ASTN2: variants seen among roughly 807,000 people sequenced by gnomAD.
ASTN2 encodes astrotactin-2.
A neutral mutation model predicts 139.8 loss-of-function variants in ASTN2; 54 were observed. The observed-to-expected ratio is 0.39, with a 90% CI of 0.31 to 0.48. The LOEUF (loss-of-function observed/expected upper bound fraction) is 0.48, where lower values mean the gene tolerates loss of function less well. Ranked by LOEUF, ASTN2 falls within the 20% of genes least tolerant of loss-of-function variation. ASTN2 has a pLI of 0.95. For missense variants in ASTN2, 1,565 were observed against 1,725.1 expected (o/e 0.91, Z 1.64); for synonymous variants, 756 against 719.5 (o/e 1.05, Z -0.81).
chr9:117,278,875 G>A (rs1324044513), intron 2 of ASTN2, among the ~76,000 whole-genome samples: 1 of 152,104 alleles, frequency 6.6e-6, no homozygotes, highest in Non-Finnish European at 1.5e-5. Flanking sequence ...CCTTCTGCTG[G>A]GTGCAGTTTA....
At chr9:116,979,641 G>C (rs1836452194) in intron 7 of ASTN2, among the ~76,000 whole-genome samples, 2 of 152,086 alleles carry the variant, frequency 1.3e-5, no homozygotes, top group Non-Finnish European at 2.9e-5. Flanking sequence ...AGACTCCCAG[G>C]ACTGATTTAT....
chr9:116,725,760 TC>T lies in ASTN2; in HGVS notation c.2806+10del. 6.2e-7 allele frequency: 1 copy of T among 1,611,206 alleles called. No homozygotes were observed. The highest frequency in any genetic ancestry group is 1.1e-5 in the South Asian group (1 of 90,702). On this transcript the variant is annotated intron_variant, in intron 16 of 22. Coordinates refer to ENST00000313400, the MANE Select transcript of ASTN2 (RefSeq NM_001365068.1). ...CCTGGCCACCTCCTACAGTAGGCAC[TC>T]CGGGCTTACCTTTCTGATACTGGAG...
At chr9:116,546,405 G>T (rs1270198536) in intron 19 of ASTN2, 2 of 152,160 alleles carry the variant, frequency 1.3e-5, no homozygotes, top group Non-Finnish European at 1.5e-5. Context: ...AGAGATGTAA[G>T]CTGACTTGCC....
chr9:117,157,641 A>G (rs1041239139), intron 3 of ASTN2, among the ~76,000 whole-genome samples: 2 of 152,058 alleles, frequency 1.3e-5, no homozygotes, highest in Non-Finnish European at 2.9e-5. Flanking sequence ...ATCAAAGAAG[A>G]ATGAAAGGTT....
intron 17 of ASTN2, among the ~76,000 whole-genome samples, chr9:116,632,215 A>G (rs1459940813): frequency 6.5e-4 from 83 of 127,392 alleles, no homozygotes; most frequent in African/African-American, 1.6e-3. Context: ...AAAAGAAAGA[A>G]AGAAAGAAAG....
intron 2 of ASTN2, among the ~76,000 whole-genome samples, chr9:117,228,445 G>A (rs1298300406): frequency 6.6e-6 from 1 of 152,080 alleles, no homozygotes; most frequent in African/African-American, 2.4e-5. Context: ...GCTGCCAATT[G>A]TCTTGACGGC....
chr9:116,901,414 C>G (rs1834007849), intron 10 of ASTN2, among the ~76,000 whole-genome samples: 1 of 152,174 alleles, frequency 6.6e-6, no homozygotes, highest in Non-Finnish European at 1.5e-5. Flanking sequence ...GGTACTCAGG[C>G]AGCTGAGGTA....
At position 116,565,375 on chromosome 9, in the gene ASTN2, CTCTCTCTCTCTCCATATATA is replaced by C. The variant is rs1352594014; in HGVS notation, c.3355+52929_3355+52948del. On this transcript the variant is annotated intron_variant, in intron 19 of 22. Coordinates refer to ENST00000313400, the MANE Select transcript of ASTN2 (RefSeq NM_001365068.1). Reference sequence around the variant, plus strand: ...TTTCTCTCTCTCTCTCTCTCTCTCTCTCTCTCTCTCTCCATATATATATATATATATATATATATATATAT... The same window carrying C: ...TTTCTCTCTCTCTCTCTCTCTCTCTCTATATATATATATATATATATATAT... 5.6e-4 allele frequency among the ~76,000 whole-genome samples: 17 copies of C among 30,608 alleles called. No homozygotes were observed. The South Asian group carries it at 8.5e-3, about 15-fold the overall frequency. The allele number at this position is 30,608 out of a possible 152,430, so 20.1% of individuals were successfully genotyped here. A position where few individuals can be genotyped will look rare whatever the true frequency, so the allele number is the denominator to read the frequency against.
In ASTN2 at chr9:116,975,229, G is replaced by T; in HGVS notation, c.1868C>A (p.Thr623Lys). The change falls in exon 10 of 23, where the codon ACG becomes AAG. Residue 623 changes from threonine to lysine, a missense_variant. Physicochemically the swap from Thr to Lys is moderately conservative, Grantham distance 78. This residue lies in a region of ASTN2 where 503 missense variants were observed against 591.7 expected (regional missense o/e 0.85). Coordinates refer to ENST00000313400, the MANE Select transcript of ASTN2 (RefSeq NM_001365068.1). ...CTACCTGACATCTGCAGGGTCTTCC[G>T]TGACGAGCACATCGGTCTTGCAGCT... The part of the protein sequence containing the change: ...LASCKTDVLV[T>K]EDPADVREEA... 1 of 1,612,552 alleles carries T rather than the reference G, an allele frequency of 6.2e-7. No homozygotes were observed. Among genetic ancestry groups the T allele is most frequent in the Non-Finnish European group, 8.5e-7 (1 of 1,179,230 alleles).
rs16933586 is a variant in ASTN2 at position 116,487,082 on chromosome 9, C to T, written c.3497+277G>A. Among the ~76,000 whole-genome samples the T allele has an allele frequency of 0.016, 2,361 of 152,226 alleles. 275 individuals are homozygous for T. The South Asian group carries it at 0.26, about 17-fold the overall frequency. On this transcript the variant is annotated intron_variant, in intron 20 of 22. Transcript: ENST00000313400. ...CTTCATCTGTGCTCTTGAGTAAGCC[C>T]TCTTCTCTCTCTGAGCTACAGATTT... is the stretch of plus-strand genomic sequence containing the variant.
intron 5 of ASTN2, among the ~76,000 whole-genome samples, chr9:117,049,590 C>T (rs1457861090): frequency 6.6e-6 from 1 of 152,210 alleles, no homozygotes; most frequent in African/African-American, 2.4e-5. Flanking sequence ...AACTTCTCAA[C>T]TACCTTGTAA....
At chr9:117,248,610 C>A (rs192106534) in intron 2 of ASTN2, among the ~76,000 whole-genome samples, 6 of 152,248 alleles carry the variant, frequency 3.9e-5, no homozygotes, top group African/African-American at 1.4e-4. Context: ...AGGCTGGAAC[C>A]GCAATACTGT....
chr9:116,540,624 C>G (rs1319742328), intron 19 of ASTN2: 1 of 152,178 alleles, frequency 6.6e-6, no homozygotes, highest in Non-Finnish European at 1.5e-5. Context: ...GTGCAGGGCA[C>G]CAAGCAGGCC....
At chr9:117,108,846 T>A (rs1829174808) in intron 4 of ASTN2, among the ~76,000 whole-genome samples, 1 of 152,190 alleles carries the variant, frequency 6.6e-6, no homozygotes, top group African/African-American at 2.4e-5. Context: ...GCATAATTTT[T>A]CTTCATGAAC....
chr9:116,576,529 CA>C (rs1853728214), intron 19 of ASTN2, among the ~76,000 whole-genome samples: 3 of 152,296 alleles, frequency 2.0e-5, no homozygotes, highest in East Asian at 1.9e-4. Context: ...GATGATCCTA[CA>C]GGCTGGCACT....
intron 19 of ASTN2, 116 bp from the exon 20 acceptor site, chr9:116,487,616 T>C (rs1019489552): frequency 1.2e-5 from 12 of 1,025,426 alleles, no homozygotes; most frequent in Non-Finnish European, 1.6e-5. Context: ...AAATAATGGA[T>C]AGAAAAAGCA....
chr9:116,975,063 G>A lies in ASTN2; in HGVS notation c.1889+145C>T, dbSNP rs946366027. The A allele has an allele frequency of 1.8e-5, 14 of 789,362 alleles. No individual in the cohort carries two copies. In the African/African-American group the frequency reaches 2.5e-4, roughly 14 times the overall value. 48.9% of individuals were successfully genotyped at this position (789,362 alleles called of 1,614,324 possible). A position where few individuals can be genotyped will look rare whatever the true frequency, so the allele number is the denominator to read the frequency against. ...ACAGTGATGGAGGTCACATCTAAGA[G>A]TTTAGGAGCATGGCATATTTGACAG... On this transcript the variant is annotated intron_variant, in intron 10 of 22. Coordinates refer to ENST00000313400, the MANE Select transcript of ASTN2 (RefSeq NM_001365068.1).
At chr9:117,058,380 T>C (rs968171222) in intron 5 of ASTN2, among the ~76,000 whole-genome samples, 4 of 152,178 alleles carry the variant, frequency 2.6e-5, no homozygotes, top group Admixed American at 2.6e-4. Context: ...TAATGACAGC[T>C]ACCATATTTA....
At chr9:116,709,270 G>A (rs779076267) in intron 16 of ASTN2, among the ~76,000 whole-genome samples, 6 of 152,196 alleles carry the variant, frequency 3.9e-5, no homozygotes, top group Non-Finnish European at 7.3e-5. Context: ...ATACCATGGT[G>A]CTGGTAAAAG....
Sources: allele counts gnomAD v4.1 joint callset (sites outside exome capture counted in the v4.1 genomes callset), GRCh38; gene constraint gnomAD v4.1.1; regional missense constraint gnomAD v4.1.1; transcripts MANE v1.5; gene names NCBI Gene and HGNC (gene_info 2026-07-23, HGNC 2026-07-21).